The following CRB1 variants were observed in gnomAD, a reference collection of about 807,000 sequenced individuals.
CRB1 encodes crumbs cell polarity complex component 1.
CRB1 carries 83 observed loss-of-function variants against 120.0 expected under a neutral mutation model. The observed-to-expected ratio is 0.69, with a 90% confidence interval of 0.58 to 0.83. The LOEUF (loss-of-function observed/expected upper bound fraction) is 0.83. Among genes scored for constraint, CRB1 ranks in the 40% least tolerant of loss-of-function variants. The pLI, the probability that CRB1 is intolerant of heterozygous loss-of-function variation, is 0.00. For synonymous variants in CRB1, 625 were observed against 612.5 expected (o/e 1.02, Z -0.30); for missense variants, 1,699 against 1,687.6 (o/e 1.01, Z -0.12).
chr1:197,281,322 G>T (rs1379848404), intron 1 of CRB1, among the ~76,000 whole-genome samples: 1 of 151,852 alleles, frequency 6.6e-6, no homozygotes, highest in East Asian at 1.9e-4. Flanking sequence ...TTATACTAGA[G>T]TTTTCTTGTA....
At chr1:197,257,603 C>G in the CRB1 span, among the ~76,000 whole-genome samples, 2 of 152,270 alleles carry the variant, frequency 1.3e-5, no homozygotes, top group Non-Finnish European at 2.9e-5. Context: ...CTAGATCAAG[C>G]CTAATCAGTT....
At chr1:197,475,503 CT>C (rs1667159954) in intron 11 of CRB1, among the ~76,000 whole-genome samples, 1 of 152,156 alleles carries the variant, frequency 6.6e-6, no homozygotes, top group Non-Finnish European at 1.5e-5. Flanking sequence ...CCTAGGTAAT[CT>C]CTTATCATGA....
chr1:197,213,170 G>T, the CRB1 span, among the ~76,000 whole-genome samples: 2 of 152,172 alleles, frequency 1.3e-5, no homozygotes, highest in African/African-American at 2.4e-5. Flanking sequence ...TCTAAAATTT[G>T]CATGGAGAAG....
At chr1:197,254,315 C>T in the CRB1 span, among the ~76,000 whole-genome samples, 18 of 152,006 alleles carry the variant, frequency 1.2e-4, no homozygotes, top group South Asian at 3.7e-3. Flanking sequence ...TACACAGAAT[C>T]TATGCAATCA....
the CRB1 span, among the ~76,000 whole-genome samples, chr1:197,261,487 G>A: frequency 2.6e-5 from 4 of 152,170 alleles, no homozygotes; most frequent in Non-Finnish European, 5.9e-5. Flanking sequence ...GCAAGTTGCA[G>A]AATAATACAT....
At chr1:197,220,456 C>T in the CRB1 span, among the ~76,000 whole-genome samples, 2 of 152,154 alleles carry the variant, frequency 1.3e-5, no homozygotes, top group African/African-American at 4.8e-5. Context: ...TGGTTTCAGA[C>T]AGGGACTTCT....
At chr1:197,287,050 AAATTT>A (rs1375116526) in intron 1 of CRB1, among the ~76,000 whole-genome samples, 21 of 152,038 alleles carry the variant, frequency 1.4e-4, no homozygotes, top group African/African-American at 5.1e-4. Flanking sequence ...TACACTTATA[AAATTT>A]CAAAAATTCA....
intron 1 of CRB1, among the ~76,000 whole-genome samples, chr1:197,320,127 G>A (rs967034618): frequency 6.6e-6 from 1 of 152,190 alleles, no homozygotes; most frequent in Non-Finnish European, 1.5e-5. Flanking sequence ...TTTCTGCACA[G>A]CAAATTCAAA....
the CRB1 span, among the ~76,000 whole-genome samples, chr1:197,202,963 GTGTGTGTGTGTGTGTGTGTC>G: frequency 8.1e-6 from 1 of 123,636 alleles, no homozygotes; most frequent in African/African-American, 4.5e-5. Flanking sequence ...TGTCTTTGTG[GTGTGTGTGTGTGTGTGTGTC>G]TGTGTGTGTG....
intron 8 of CRB1, 71 bp from the exon 9 acceptor site, chr1:197,434,635 T>C: frequency 7.7e-7 from 1 of 1,293,030 alleles, no homozygotes; most frequent in Non-Finnish European, 1.1e-6. Flanking sequence ...TGATCATTAC[T>C]ATTAATAACG....
chr1:197,258,058 T>G, the CRB1 span, among the ~76,000 whole-genome samples: 2 of 152,236 alleles, frequency 1.3e-5, no homozygotes, highest in African/African-American at 4.8e-5. Context: ...CTTGATATTA[T>G]CTTTTATTCT....
chr1:197,476,360 ATTTG>A (rs1236525779), intron 11 of CRB1, among the ~76,000 whole-genome samples: 6 of 128,926 alleles, frequency 4.7e-5, no homozygotes, highest in African/African-American at 1.7e-4. Flanking sequence ...TATTATGATT[ATTTG>A]TGTGTGTGTG....
the CRB1 span, among the ~76,000 whole-genome samples, chr1:197,256,932 CGTGT>C: frequency 0.063 from 8,900 of 141,122 alleles, 295 homozygotes; most frequent in Admixed American, 0.071. Flanking sequence ...ATAGGATTTG[CGTGT>C]GTGTGTGTGT....
rs57264977 is a variant in CRB1, at chr1:197,408,668, T to C, written c.1172-12332T>C. Among the ~76,000 whole-genome samples the C allele has an allele frequency of 1.1e-3, 165 of 152,208 alleles. No individual in the cohort carries two copies. The East Asian group carries it at 0.029, about 27-fold the overall frequency. ...AACATCCAACTCCATACAAGACAGGTTTTTATAATTCACTTTAACTTAAGT... is the reference window on the plus strand; with the variant it reads ...AACATCCAACTCCATACAAGACAGGCTTTTATAATTCACTTTAACTTAAGT... On this transcript the variant is annotated intron_variant, in intron 5 of 11. Transcript: ENST00000367400.
At chr1:197,474,721 TTGTG>T (rs1350609656) in intron 11 of CRB1, among the ~76,000 whole-genome samples, 4 of 152,192 alleles carry the variant, frequency 2.6e-5, no homozygotes, top group Non-Finnish European at 4.4e-5. Flanking sequence ...GATTTTTCTC[TTGTG>T]TGCATGGGTG....
intron 3 of CRB1, among the ~76,000 whole-genome samples, chr1:197,344,722 G>A (rs1185036858): frequency 6.6e-6 from 1 of 152,082 alleles, no homozygotes; most frequent in Non-Finnish European, 1.5e-5. Flanking sequence ...ATGGAAAATG[G>A]CCAATTTTTC....
At chr1:197,255,997 ACACTACAATATGAATTATATATGTATG>A in the CRB1 span, among the ~76,000 whole-genome samples, 1 of 91,988 alleles carries the variant, frequency 1.1e-5, no homozygotes, top group Non-Finnish European at 1.9e-5. Flanking sequence ...ATATATATAT[ACACTACAATATGAATTATATATGTATG>A]TATATACACA....
the CRB1 span, among the ~76,000 whole-genome samples, chr1:197,224,478 A>G: frequency 3.2e-4 from 49 of 152,276 alleles, no homozygotes; most frequent in African/African-American, 1.1e-3. Context: ...CAGAGAGCTG[A>G]TTATTTCCAA....
chr1:197,332,519 G>T (rs1240686964), intron 2 of CRB1, among the ~76,000 whole-genome samples: 6 of 152,062 alleles, frequency 3.9e-5, no homozygotes, highest in Non-Finnish European at 5.9e-5. Flanking sequence ...TAAAAATCGG[G>T]TCTATTATTA....
Sources: allele counts gnomAD v4.1 joint callset (sites outside exome capture counted in the v4.1 genomes callset), GRCh38; gene constraint gnomAD v4.1.1; transcripts MANE v1.5; gene names NCBI Gene and HGNC (gene_info 2026-07-23, HGNC 2026-07-21).